PDK1: variants seen among roughly 807,000 people sequenced by gnomAD.
PDK1 encodes [Pyruvate dehydrogenase (acetyl-transferring)] kinase isozyme 1, mitochondrial.
Under a neutral mutation model 54.2 loss-of-function variants are expected in PDK1, and 39 were observed. That is an observed-to-expected ratio of 0.72 (90% confidence interval 0.56 to 0.94). PDK1 has a LOEUF of 0.94. PDK1 is among the 40% of genes least tolerant of loss of function. The probability of loss-of-function intolerance (pLI) is 0.00; values close to 1 mark genes in which losing one functional copy is unlikely to be tolerated. For missense variants in PDK1, 552 were observed against 566.0 expected (o/e 0.98, Z 0.25); for synonymous variants, 221 against 207.1 (o/e 1.07, Z -0.58).
At chr2:172,643,554 T>C in the PDK1 span, among the ~76,000 whole-genome samples, 1 of 152,132 alleles carries the variant, frequency 6.6e-6, no homozygotes. Flanking sequence ...TAAGCAGGCC[T>C]CCTCCTTAGG....
intron 8 of PDK1, among the ~76,000 whole-genome samples, chr2:172,582,868 C>G (rs1390656206): frequency 6.6e-6 from 1 of 152,230 alleles, no homozygotes; most frequent in African/African-American, 2.4e-5. Flanking sequence ...CCCTTTACCT[C>G]TAGCAACATG....
At chr2:172,652,531 C>T in the PDK1 span, among the ~76,000 whole-genome samples, 1 of 152,286 alleles carries the variant, frequency 6.6e-6, no homozygotes, top group Non-Finnish European at 1.5e-5. Context: ...GTCAAATTGT[C>T]CCTGTTTGCA....
At chr2:172,579,730 T>G (rs952080545) in intron 8 of PDK1, among the ~76,000 whole-genome samples, 1 of 151,622 alleles carries the variant, frequency 6.6e-6, no homozygotes, top group African/African-American at 2.4e-5. Flanking sequence ...TTTTTTAAGC[T>G]GTGCTCTGAA....
intron 8 of PDK1, among the ~76,000 whole-genome samples, chr2:172,573,816 A>T (rs1689429426): frequency 6.6e-6 from 1 of 152,012 alleles, no homozygotes; most frequent in South Asian, 2.1e-4. Flanking sequence ...TTAAATAGAG[A>T]TGGGGTCTTG....
intron 10 of PDK1, among the ~76,000 whole-genome samples, chr2:172,593,654 A>G (rs1429558923): frequency 6.6e-6 from 1 of 152,056 alleles, no homozygotes; most frequent in African/African-American, 2.4e-5. Flanking sequence ...TGTAATTATC[A>G]TGACAGAATT....
At chr2:172,587,327 C>T (rs1432102398) in intron 9 of PDK1, among the ~76,000 whole-genome samples, 2 of 151,794 alleles carry the variant, frequency 1.3e-5, no homozygotes, top group Non-Finnish European at 1.5e-5. Flanking sequence ...CAGACCTTCA[C>T]GGAGAGTGTT....
chr2:172,612,082 G>A (rs773260453), downstream of PDK1, among the ~76,000 whole-genome samples: 2 of 152,226 alleles, frequency 1.3e-5, no homozygotes, highest in African/African-American at 2.4e-5. Context: ...TCACAGAGAA[G>A]AGTATTTCTC....
At chr2:172,616,161 A>C in the PDK1 span, among the ~76,000 whole-genome samples, 1 of 152,180 alleles carries the variant, frequency 6.6e-6, no homozygotes, top group Non-Finnish European at 1.5e-5. Context: ...TGCATGTGTA[A>C]ATTTGTAAAA....
the PDK1 span, among the ~76,000 whole-genome samples, chr2:172,623,229 A>G: frequency 6.6e-6 from 1 of 152,124 alleles, no homozygotes; most frequent in Non-Finnish European, 1.5e-5. Context: ...TAAGCTTAAT[A>G]GCAGTGTGAT....
intron 9 of PDK1, among the ~76,000 whole-genome samples, chr2:172,586,704 G>A (rs1479544244): frequency 6.6e-6 from 1 of 152,050 alleles, no homozygotes; most frequent in South Asian, 2.1e-4. Context: ...ATAAATTACT[G>A]GTTTTAGTAG....
At chr2:172,566,433 C>G (rs529814022) in intron 5 of PDK1, among the ~76,000 whole-genome samples, 29 of 151,914 alleles carry the variant, frequency 1.9e-4, no homozygotes, top group African/African-American at 7.0e-4. Context: ...CCCATGCCTA[C>G]GTAGTCCCAG....
Position 172,566,839 on chromosome 2 carries a change from G to A in PDK1, c.692-17G>A, listed in dbSNP as rs748847794. On this transcript the variant is annotated splice_polypyrimidine_tract_variant and intron_variant, in intron 5 of 10. Transcript: ENST00000282077. ...TATTTATTAAATCCTTTTTTGTTTT[G>A]TTTTGATTCACACTAGATGGCTATG... is the stretch of plus-strand genomic sequence containing the variant. 2 of 1,557,048 alleles carry A rather than the reference G, an allele frequency of 1.3e-6. No individual in the cohort carries two copies. The highest frequency in any genetic ancestry group is 1.8e-6 in the Non-Finnish European group (2 of 1,136,182).
At chr2:172,696,199 AG>A in the PDK1 span, among the ~76,000 whole-genome samples, 1 of 151,676 alleles carries the variant, frequency 6.6e-6, no homozygotes, top group Non-Finnish European at 1.5e-5. Flanking sequence ...GAAAAAAAAA[AG>A]CTTAGGAGAG....
At chr2:172,704,521 C>A in the PDK1 span, among the ~76,000 whole-genome samples, 1 of 152,240 alleles carries the variant, frequency 6.6e-6, no homozygotes, top group South Asian at 2.1e-4. Context: ...TTCAGGAGAG[C>A]CCACAAGAGG....
chr2:172,641,941 G>A, the PDK1 span, among the ~76,000 whole-genome samples: 1 of 152,292 alleles, frequency 6.6e-6, no homozygotes, highest in East Asian at 1.9e-4. Flanking sequence ...GAAGAGCAGA[G>A]AAAACCTTTG....
chr2:172,679,570 A>T, the PDK1 span, among the ~76,000 whole-genome samples: 1 of 152,238 alleles, frequency 6.6e-6, no homozygotes, highest in Non-Finnish European at 1.5e-5. Flanking sequence ...AAACATTTTT[A>T]TAGCCTAATG....
the PDK1 span, among the ~76,000 whole-genome samples, chr2:172,681,880 T>C: frequency 6.6e-6 from 1 of 152,236 alleles, no homozygotes; most frequent in East Asian, 1.9e-4. Flanking sequence ...AGCCTCAAAC[T>C]CCTGATAGAT....
At chr2:172,680,160 T>C in the PDK1 span, among the ~76,000 whole-genome samples, 1 of 152,174 alleles carries the variant, frequency 6.6e-6, no homozygotes, top group South Asian at 2.1e-4. Context: ...GCATGCTCTG[T>C]CACAGTCTTT....
the PDK1 span, among the ~76,000 whole-genome samples, chr2:172,661,854 A>G: frequency 0.052 from 7,914 of 152,254 alleles, 460 homozygotes; most frequent in African/African-American, 0.14. Flanking sequence ...ATAGGGTACT[A>G]TGCTCACCAC....
Sources: gnomAD v4.1 joint callset for allele counts (sites outside exome capture counted in the v4.1 genomes callset) on GRCh38, gnomAD v4.1.1 for gene constraint, MANE v1.5 for transcripts, NCBI Gene and HGNC (gene_info 2026-07-23, HGNC 2026-07-21) for gene names.